Variants in SIL1 observed in about 807,000 individuals in gnomAD.
SIL1 encodes the protein nucleotide exchange factor SIL1.
Under a neutral mutation model 49.1 loss-of-function variants are expected in SIL1, and 40 were observed. The ratio of observed to expected loss-of-function variants is 0.81; its 90% CI spans 0.63 to 1.06. The LOEUF (loss-of-function observed/expected upper bound fraction) is 1.06, where lower values mean the gene tolerates loss of function less well. SIL1 is among the 50% of genes least tolerant of loss of function. The pLI is 0.00. For synonymous variants in SIL1, 253 were observed against 250.8 expected (o/e 1.01, Z -0.08); for missense variants, 500 against 572.6 (o/e 0.87, Z 1.29).
chr5:139,183,887 T>C (rs1051559677), intron 1 of SIL1, among the ~76,000 whole-genome samples: 6 of 152,228 alleles, frequency 3.9e-5, no homozygotes, highest in South Asian at 2.1e-4. Flanking sequence ...ACTACACAAG[T>C]CCTTCCAATT....
chr5:138,949,230 G>A (rs934373708), intron 9 of SIL1, among the ~76,000 whole-genome samples: 1 of 152,192 alleles, frequency 6.6e-6, no homozygotes, highest in Non-Finnish European at 1.5e-5. Context: ...CCAAACCCCA[G>A]GCAGGCATCT....
chr5:139,065,985 G>A (rs957450191), intron 3 of SIL1, among the ~76,000 whole-genome samples: 2 of 152,190 alleles, frequency 1.3e-5, no homozygotes, highest in African/African-American at 4.8e-5. Context: ...TAAAAGAGAA[G>A]GCAAATCCCT....
intron 3 of SIL1, among the ~76,000 whole-genome samples, chr5:139,098,414 C>G (rs1168636631): frequency 6.6e-6 from 1 of 152,142 alleles, no homozygotes; most frequent in Non-Finnish European, 1.5e-5. Context: ...AATTAGACCC[C>G]TATCTCTCAC....
At chr5:139,082,930 G>A (rs570561745) in intron 3 of SIL1, among the ~76,000 whole-genome samples, 1 of 152,176 alleles carries the variant, frequency 6.6e-6, no homozygotes, top group Admixed American at 6.5e-5. Flanking sequence ...CGAACTAGAC[G>A]AACAGGAAGG....
chr5:138,946,752 C>G lies in SIL1; in HGVS notation c.*365G>C, dbSNP rs566773417. 11 of 299,704 alleles carry G rather than the reference C, an allele frequency of 3.7e-5. 1 individual carries two copies. The Admixed American group carries it at 4.9e-4, about 13-fold the overall frequency. The allele number at this position is 299,704 out of a possible 1,614,324, so 18.6% of individuals were successfully genotyped here. On this transcript the variant is annotated 3_prime_UTR_variant, in exon 10 of 10. Coordinates refer to ENST00000394817, the MANE Select transcript of SIL1 (RefSeq NM_022464.5). ...GTGATTTTTCTCCTTTAATGGCACT[C>G]CTGACAGATGAGGAAACAAGCTCAG...
At chr5:139,197,661 AG>A (rs1211001966) in intron 1 of SIL1, among the ~76,000 whole-genome samples, 8 of 152,180 alleles carry the variant, frequency 5.3e-5, no homozygotes, top group Non-Finnish European at 1.0e-4. Context: ...CTTCTGAAGC[AG>A]GGATTTTCAA....
intron 7 of SIL1, among the ~76,000 whole-genome samples, chr5:139,008,622 C>T (rs1436432822): frequency 1.4e-5 from 2 of 147,718 alleles, no homozygotes; most frequent in Admixed American, 6.7e-5. Flanking sequence ...TCCCTCTACA[C>T]ACTGCTTTGA....
chr5:139,099,451 A>G lies in SIL1; in HGVS notation c.244+21584T>C, dbSNP rs1051616361. Among the ~76,000 whole-genome samples, 3 of 152,236 alleles carry G rather than the reference A, an allele frequency of 2.0e-5. No individual in the cohort carries two copies. In the South Asian group the frequency reaches 6.2e-4, roughly 32 times the overall value. ...ATATATACCCAAAAGAAAAGAAATC[A>G]GTATATCAAAGAGATATCTGTACTC... On this transcript the variant is annotated intron_variant, in intron 3 of 9. Transcript: ENST00000394817.
intron 2 of SIL1, among the ~76,000 whole-genome samples, chr5:139,122,755 G>A (rs1177611947): frequency 6.6e-6 from 1 of 152,116 alleles, no homozygotes; most frequent in Non-Finnish European, 1.5e-5. Flanking sequence ...AAGAAATAAA[G>A]GCATGAAATT....
intron 3 of SIL1, among the ~76,000 whole-genome samples, chr5:139,063,699 C>T (rs143620176): frequency 6.4e-4 from 98 of 152,290 alleles, no homozygotes; most frequent in African/African-American, 2.0e-3. Flanking sequence ...TTCCCAGAGG[C>T]CTTAGCACCA....
chr5:139,075,854 T>G (rs1191805561), intron 3 of SIL1, among the ~76,000 whole-genome samples: 1 of 152,214 alleles, frequency 6.6e-6, no homozygotes, highest in Non-Finnish European at 1.5e-5. Context: ...TCCAGGCATC[T>G]GGACTTCACA....
intron 3 of SIL1, among the ~76,000 whole-genome samples, chr5:139,059,402 G>A (rs1013424551): frequency 6.6e-6 from 1 of 152,196 alleles, no homozygotes; most frequent in Non-Finnish European, 1.5e-5. Context: ...GGAACTGTGA[G>A]TCCATTAAAC....
intron 1 of SIL1, among the ~76,000 whole-genome samples, chr5:139,196,123 A>G (rs1561898276): frequency 6.6e-6 from 1 of 152,178 alleles, no homozygotes; most frequent in Non-Finnish European, 1.5e-5. Context: ...CCAGGAGTTC[A>G]AGGTTGCAGT....
chr5:139,111,688 G>T (rs1374045828), intron 3 of SIL1, among the ~76,000 whole-genome samples: 1 of 152,142 alleles, frequency 6.6e-6, no homozygotes, highest in African/African-American at 2.4e-5. Flanking sequence ...AACTGAAATT[G>T]CCCTTTCAGT....
intron 3 of SIL1, among the ~76,000 whole-genome samples, chr5:139,055,058 A>T (rs1274342117): frequency 6.6e-6 from 1 of 152,168 alleles, no homozygotes; most frequent in Admixed American, 6.5e-5. Context: ...TACAGGTAAC[A>T]AGTTAGGGGG....
At chr5:139,002,389 G>A (rs978536090) in intron 7 of SIL1, among the ~76,000 whole-genome samples, 14 of 152,036 alleles carry the variant, frequency 9.2e-5, no homozygotes, top group African/African-American at 3.1e-4. Context: ...TGGGTAGTGA[G>A]CGTAAGATTT....
At chr5:139,029,498 G>T (rs1768738646) in intron 5 of SIL1, among the ~76,000 whole-genome samples, 1 of 152,060 alleles carries the variant, frequency 6.6e-6, no homozygotes, top group Non-Finnish European at 1.5e-5. Flanking sequence ...AAAGATGCTT[G>T]CTCTATGTCA....
intron 5 of SIL1, among the ~76,000 whole-genome samples, chr5:139,029,121 T>A (rs186216830): frequency 4.7e-4 from 72 of 152,330 alleles, no homozygotes; most frequent in African/African-American, 1.7e-3. Context: ...TTATATTTTT[T>A]AAATTCTATT....
chr5:139,032,383 A>T (rs902489239), intron 5 of SIL1, among the ~76,000 whole-genome samples: 1 of 152,200 alleles, frequency 6.6e-6, no homozygotes, highest in Admixed American at 6.5e-5. Flanking sequence ...TTTTTTGTAC[A>T]CTGAACCAGC....
Sources: gnomAD v4.1 joint callset for allele counts (sites outside exome capture counted in the v4.1 genomes callset) on GRCh38, gnomAD v4.1.1 for gene constraint, MANE v1.5 for transcripts, NCBI Gene and HGNC (gene_info 2026-07-23, HGNC 2026-07-21) for gene names.